JRK: variants seen among roughly 807,000 people sequenced by gnomAD.
The protein encoded by JRK is Jrk helix-turn-helix protein.
For missense variants in JRK, 720 were observed against 509.2 expected (o/e 1.41, Z -3.98); for synonymous variants, 303 against 218.1 (o/e 1.39, Z -3.43).
the JRK span, among the ~76,000 whole-genome samples, chr8:142,648,864 A>G: frequency 6.6e-6 from 1 of 152,246 alleles, no homozygotes; most frequent in Non-Finnish European, 1.5e-5. Context: ...CCATGAAGGC[A>G]GCTGGGAGGG....
chr8:142,651,656 GAA>G, the JRK span, among the ~76,000 whole-genome samples: 2 of 151,604 alleles, frequency 1.3e-5, no homozygotes, highest in Non-Finnish European at 2.9e-5. Context: ...AACCCAATGG[GAA>G]AAAGACTGAA....
Position 142,659,044 on chromosome 8 carries a change from G to T in JRK, c.*5308C>A. On this transcript the variant is annotated 3_prime_UTR_variant, in exon 2 of 2. Transcript: ENST00000612905. ...TCTGCCAGGGAGAATGGTGGAGGAA[G>T]AATGGATTCCTAGTGTATTTTTTCT... The T allele has an allele frequency of 6.8e-7, 1 of 1,466,176 alleles. No individual in the cohort carries two copies. Among genetic ancestry groups the T allele is most frequent in the Non-Finnish European group, 9.1e-7 (1 of 1,103,200 alleles). 90.8% of individuals were successfully genotyped at this position (1,466,176 alleles called of 1,614,324 possible). A position where few individuals can be genotyped will look rare whatever the true frequency, so the allele number is the denominator to read the frequency against.
In JRK at chr8:142,663,468, A is replaced by G; in HGVS notation, c.*884T>C. 1.0e-6 allele frequency: 1 copy of G among 985,480 alleles called. No individual in the cohort carries two copies. The allele number at this position is 985,480 out of a possible 1,614,324, so 61.0% of individuals were successfully genotyped here. A position where few individuals can be genotyped will look rare whatever the true frequency, so the allele number is the denominator to read the frequency against. On this transcript the variant is annotated 3_prime_UTR_variant, in exon 2 of 2. Transcript: ENST00000612905. ...TTTCAGTGACTTACGTGCAAACCTA[A>G]GACTAATCTCTGAATGTCTGATCAA...
downstream of JRK, among the ~76,000 whole-genome samples, chr8:142,653,885 G>A (rs894444013): frequency 1.3e-5 from 2 of 152,166 alleles, no homozygotes; most frequent in African/African-American, 4.8e-5. Context: ...TTTTAGGGGA[G>A]GCTGATTTAA....
Position 142,659,028 on chromosome 8 carries a change from G to A in JRK, c.*5324C>T. The A allele has an allele frequency of 2.7e-6, 4 of 1,484,844 alleles. No homozygotes were observed. Among genetic ancestry groups the A allele is most frequent in the Non-Finnish European group, 3.6e-6 (4 of 1,110,114 alleles). 92.0% of individuals were successfully genotyped at this position (1,484,844 alleles called of 1,614,324 possible). On this transcript the variant is annotated 3_prime_UTR_variant, in exon 2 of 2. Transcript: ENST00000612905. ...GGTGTAGTCACTTCCCTCTGCCAGG[G>A]AGAATGGTGGAGGAAGAATGGATTC...
downstream of JRK, among the ~76,000 whole-genome samples, chr8:142,655,064 G>A (rs1466566874): frequency 6.6e-6 from 1 of 152,172 alleles, no homozygotes; most frequent in African/African-American, 2.4e-5. Flanking sequence ...GAACCATGGG[G>A]GCTGCCCTCA....
rs587752054 is a variant in JRK at position 142,665,117 on chromosome 8, G to A, written c.942C>T (p.Asn314=). 4.2e-5 allele frequency: 30 copies of A among 717,952 alleles called. No homozygotes were observed. The highest frequency in any genetic ancestry group is 4.9e-5 in the Non-Finnish European group (19 of 385,110). The allele number at this position is 717,952 out of a possible 1,614,324, so 44.5% of individuals were successfully genotyped here. The change falls in exon 2 of 2, where the codon AAC becomes AAT. Residue 314 remains asparagine (N), a synonymous_variant. Transcript: ENST00000612905. ...HPQEAELVSS[N]VFTIFLPASV... ...TGGCAGGCAGGAAGATGGTGAAAAC[G>A]TTACTGGACACCAGCTCGGCCTCCT... is the stretch of plus-strand genomic sequence containing the variant.
chr8:142,667,071 C>T (rs1197647820), intron 1 of JRK, among the ~76,000 whole-genome samples: 1 of 152,232 alleles, frequency 6.6e-6, no homozygotes, highest in African/African-American at 2.4e-5. Context: ...CTCTAAACTC[C>T]TCTCTCCGAC....
At chr8:142,648,576 A>T in the JRK span, among the ~76,000 whole-genome samples, 1 of 152,254 alleles carries the variant, frequency 6.6e-6, no homozygotes, top group Non-Finnish European at 1.5e-5. Context: ...GAAGTCAAGA[A>T]TTGAAGTTTG....
At chr8:142,649,530 C>G in the JRK span, among the ~76,000 whole-genome samples, 1 of 152,168 alleles carries the variant, frequency 6.6e-6, no homozygotes, top group Non-Finnish European at 1.5e-5. Flanking sequence ...CGTTCCATTC[C>G]CCCATGATTG....
At chr8:142,652,743 C>T (rs587688441), downstream of JRK, among the ~76,000 whole-genome samples, 1 of 152,280 alleles carries the variant, frequency 6.6e-6, no homozygotes, top group African/African-American at 2.4e-5. Context: ...GTGTATTTTC[C>T]TTTCACATAA....
chr8:142,648,895 A>T, the JRK span, among the ~76,000 whole-genome samples: 1 of 152,252 alleles, frequency 6.6e-6, no homozygotes, highest in African/African-American at 2.4e-5. Context: ...CTGCAAAGCC[A>T]CAAGGGTGGA....
Position 142,659,553 on chromosome 8 carries a change from G to A in JRK, c.*4799C>T. 1 of 985,666 alleles carries A rather than the reference G, an allele frequency of 1.0e-6. No individual in the cohort carries two copies. Among genetic ancestry groups the A allele is most frequent in the Non-Finnish European group, 1.2e-6 (1 of 830,098 alleles). 61.1% of individuals were successfully genotyped at this position (985,666 alleles called of 1,614,324 possible). A position where few individuals can be genotyped will look rare whatever the true frequency, so the allele number is the denominator to read the frequency against. On this transcript the variant is annotated 3_prime_UTR_variant, in exon 2 of 2. Coordinates refer to ENST00000612905, the MANE Select transcript of JRK (RefSeq NM_003724.4). Reference sequence around the variant, plus strand: ...CCCACAATCTGCCCCTGGGTGCAGGGCCTTGAGCAGGGAGGCCATCGTGCT... The same window carrying A: ...CCCACAATCTGCCCCTGGGTGCAGGACCTTGAGCAGGGAGGCCATCGTGCT...
chr8:142,651,577 T>A, the JRK span, among the ~76,000 whole-genome samples: 1 of 150,318 alleles, frequency 6.7e-6, no homozygotes, highest in Non-Finnish European at 1.5e-5. Context: ...ATTTAGCCAC[T>A]TCAGAGGCCT....
rs1057205755 is a variant in JRK at position 142,659,668 on chromosome 8, C to A, written c.*4684G>T. 88 of 985,460 alleles carry A rather than the reference C, an allele frequency of 8.9e-5. No individual in the cohort carries two copies. The highest frequency in any genetic ancestry group is 1.0e-4 in the Non-Finnish European group (85 of 830,034). 61.0% of individuals were successfully genotyped at this position (985,460 alleles called of 1,614,324 possible). A position where few individuals can be genotyped will look rare whatever the true frequency, so the allele number is the denominator to read the frequency against. ...CTGAAAGGAGGTTCAAGGCCTCAAACAAGAGTGGCCCCTAAAACAGTTGGT... is the reference window on the plus strand; with the variant it reads ...CTGAAAGGAGGTTCAAGGCCTCAAAAAAGAGTGGCCCCTAAAACAGTTGGT... On this transcript the variant is annotated 3_prime_UTR_variant, in exon 2 of 2. Transcript: ENST00000612905.
Position 142,658,523 on chromosome 8 carries a change from G to A in JRK, c.*5829C>T, listed in dbSNP as rs141745134. The A allele has an allele frequency of 1.7e-3, 357 of 212,960 alleles. 2 individuals are homozygous for A. Among genetic ancestry groups the A allele is most frequent in the African/African-American group, 8.0e-3 (348 of 43,642 alleles). 13.2% of individuals were successfully genotyped at this position (212,960 alleles called of 1,614,324 possible). A position where few individuals can be genotyped will look rare whatever the true frequency, so the allele number is the denominator to read the frequency against. Reference sequence around the variant, plus strand: ...CGTGAGCCACTGCACCCAGCTTGAAGATGGCAGTTTTCTTGTATGCTCACA... The same window carrying A: ...CGTGAGCCACTGCACCCAGCTTGAAAATGGCAGTTTTCTTGTATGCTCACA... On this transcript the variant is annotated 3_prime_UTR_variant, in exon 2 of 2. Coordinates refer to ENST00000612905, the MANE Select transcript of JRK (RefSeq NM_003724.4).
chr8:142,662,125 G>T lies in JRK; in HGVS notation c.*2227C>A. Reference sequence around the variant, plus strand: ...TTGCTGCAGTTGGTCTGGAAGAGGGGCACCCTGAGGACACAGCCACTCACT... The same window carrying T: ...TTGCTGCAGTTGGTCTGGAAGAGGGTCACCCTGAGGACACAGCCACTCACT... On this transcript the variant is annotated 3_prime_UTR_variant, in exon 2 of 2. Coordinates refer to ENST00000612905, the MANE Select transcript of JRK (RefSeq NM_003724.4). 1 of 985,880 alleles carries T rather than the reference G, an allele frequency of 1.0e-6. No individual in the cohort carries two copies. The highest frequency in any genetic ancestry group is 1.2e-6 in the Non-Finnish European group (1 of 830,306). The allele number at this position is 985,880 out of a possible 1,614,324, so 61.1% of individuals were successfully genotyped here. A position where few individuals can be genotyped will look rare whatever the true frequency, so the allele number is the denominator to read the frequency against.
the JRK span, among the ~76,000 whole-genome samples, chr8:142,645,348 C>T: frequency 6.6e-6 from 1 of 152,042 alleles, no homozygotes; most frequent in Non-Finnish European, 1.5e-5. Context: ...AATAGTGTAA[C>T]AACTTGATTG....
chr8:142,663,089 G>T lies in JRK; in HGVS notation c.*1263C>A. ...GATCACTCAAGCCAGGGAGGTCGAG[G>T]CTGCAGTGAGCTGGGATCACACCAC... On this transcript the variant is annotated 3_prime_UTR_variant, in exon 2 of 2. Transcript: ENST00000612905. 1.1e-6 allele frequency: 1 copy of T among 898,896 alleles called. No homozygotes were observed. The highest frequency in any genetic ancestry group is 1.3e-6 in the Non-Finnish European group (1 of 751,176). 55.7% of individuals were successfully genotyped at this position (898,896 alleles called of 1,614,324 possible).
Sources: gnomAD v4.1 joint callset for allele counts (sites outside exome capture counted in the v4.1 genomes callset) on GRCh38, gnomAD v4.1.1 for gene constraint, MANE v1.5 for transcripts, NCBI Gene and HGNC (gene_info 2026-07-23, HGNC 2026-07-21) for gene names.